The following PDE6A variants were observed in gnomAD, a reference collection of about 807,000 sequenced individuals.
PDE6A encodes the protein phosphodiesterase 6A, also known as rod cGMP-specific 3',5'-cyclic phosphodiesterase subunit alpha.
Under a neutral mutation model 106.3 loss-of-function variants are expected in PDE6A, and 84 were observed. That is an observed-to-expected ratio of 0.79 (90% confidence interval 0.66 to 0.95). The LOEUF (loss-of-function observed/expected upper bound fraction) is 0.95. Ranked by LOEUF, PDE6A falls within the 40% of genes least tolerant of loss-of-function variation. The pLI is 0.00. For missense variants in PDE6A, 1,052 were observed against 1,084.9 expected (o/e 0.97, Z 0.43); for synonymous variants, 394 against 386.6 (o/e 1.02, Z -0.23).
chr5:149,923,980 G>A (rs1319211702), intron 4 of PDE6A, among the ~76,000 whole-genome samples: 1 of 152,148 alleles, frequency 6.6e-6, no homozygotes, highest in Non-Finnish European at 1.5e-5. Context: ...CAGAGTCCAT[G>A]TTTTTGCCCT....
rs1754418788 is a variant in PDE6A at position 149,944,664 on chromosome 5, C to A, written c.10G>T (p.Val4Leu). ...AACTTCTCCACCTCCTCTGCTGTCACCTCGCCCATGGCTGGGAATCCCACT... is the reference window on the plus strand; with the variant it reads ...AACTTCTCCACCTCCTCTGCTGTCAACTCGCCCATGGCTGGGAATCCCACT... MGE[V>L]TAEEVEKFLD... The change falls in exon 1 of 22, where the codon GTG becomes TTG. Residue 4 changes from valine to leucine, a missense_variant. Physicochemically the swap from Val to Leu is conservative, Grantham distance 32. Around this residue, in one of 3 missense-constraint regions of PDE6A, gnomAD observed 913 missense variants for 915.2 expected, o/e 1.00. Coordinates refer to ENST00000255266, the MANE Select transcript of PDE6A (RefSeq NM_000440.3). The A allele has an allele frequency of 6.2e-7, 1 of 1,607,818 alleles. No homozygotes were observed.
intron 4 of PDE6A, among the ~76,000 whole-genome samples, chr5:149,927,878 A>G (rs1458862884): frequency 6.7e-6 from 1 of 149,152 alleles, no homozygotes; most frequent in African/African-American, 2.5e-5. Flanking sequence ...TAAGACACAA[A>G]CACACACATT....
chr5:149,939,509 A>G (rs952953006), intron 1 of PDE6A, among the ~76,000 whole-genome samples: 9 of 152,204 alleles, frequency 5.9e-5, no homozygotes, highest in African/African-American at 2.2e-4. Context: ...CACTTAGAAT[A>G]GATCCTTAAC....
rs770246880 is a variant in PDE6A, at chr5:149,886,277, A to G, written c.1826T>C (p.Leu609Pro). ...HDIDHRGTNNLYQMKSQNPLA... is the reference protein window; with the variant it reads ...HDIDHRGTNNPYQMKSQNPLA... The stretch of plus-strand genomic sequence containing the variant: ...GAGGCTGACTCACTTCATCTGGTAG[A>G]GGTTATTGGTGCCTCTGTGGTCAAT... The change falls in exon 14 of 22, where the codon CTC (leucine) becomes CCC (proline). Residue 609 changes from leucine (L) to proline (P), a missense_variant. This residue lies in a region of PDE6A where 913 missense variants were observed against 915.2 expected (regional missense o/e 1.00). Coordinates refer to ENST00000255266, the MANE Select transcript of PDE6A (RefSeq NM_000440.3). 1.1e-5 allele frequency: 18 copies of G among 1,611,986 alleles called. No individual in the cohort carries two copies. In the South Asian group the frequency reaches 1.9e-4, roughly 17 times the overall value.
chr5:149,894,713 C>A (rs1341523984), intron 13 of PDE6A, among the ~76,000 whole-genome samples: 5 of 145,206 alleles, frequency 3.4e-5, no homozygotes, highest in Non-Finnish European at 7.4e-5. Context: ...CTCACTGCAA[C>A]CTCTGCCTCC....
At chr5:149,893,239 T>C (rs1311863093) in intron 13 of PDE6A, among the ~76,000 whole-genome samples, 1 of 152,174 alleles carries the variant, frequency 6.6e-6, no homozygotes, top group Non-Finnish European at 1.5e-5. Flanking sequence ...TACCAAGTTC[T>C]TCTCTACCGC....
At chr5:149,864,879 G>T (rs1300471285) in intron 20 of PDE6A, among the ~76,000 whole-genome samples, 1 of 152,154 alleles carries the variant, frequency 6.6e-6, no homozygotes, top group East Asian at 1.9e-4. Flanking sequence ...CCACAGTGTG[G>T]TTTTGATAAC....
chr5:149,903,743 G>C (rs1030992490), intron 7 of PDE6A, 48 bp from the exon 8 acceptor site: 1 of 1,455,086 alleles, frequency 6.9e-7, no homozygotes, highest in Non-Finnish European at 9.7e-7. Context: ...GGCCTGAGAG[G>C]GTGCCCAGTG....
At chr5:149,898,246 T>A in intron 10 of PDE6A, 117 bp downstream of exon 10, 2 of 856,416 alleles carry the variant, frequency 2.3e-6, no homozygotes, top group Non-Finnish European at 3.9e-6. Flanking sequence ...AACACAACAG[T>A]GCACAAACCC....
At chr5:149,909,960 A>T (rs549689115) in intron 6 of PDE6A, among the ~76,000 whole-genome samples, 4 of 152,306 alleles carry the variant, frequency 2.6e-5, no homozygotes, top group African/African-American at 9.6e-5. Context: ...TAATTGGATT[A>T]TTCAAATATT....
Position 149,934,705 on chromosome 5 carries a change from C to A in PDE6A, c.488G>T (p.Cys163Phe), listed in dbSNP as rs1248213325. 6.2e-7 allele frequency: 1 copy of A among 1,613,874 alleles called. No homozygotes were observed. The highest frequency in any genetic ancestry group is 8.5e-7 in the Non-Finnish European group (1 of 1,180,030). Residue 163 changes from cysteine to phenylalanine, a missense_variant, in exon 2 of 22, where the codon TGT (cysteine) becomes TTT (phenylalanine). This residue lies in a region of PDE6A where 913 missense variants were observed against 915.2 expected (regional missense o/e 1.00). Coordinates refer to ENST00000255266, the MANE Select transcript of PDE6A (RefSeq NM_000440.3). ...VPNTEEDEHFCDFVDILTEYK... is the reference protein window; with the variant it reads ...VPNTEEDEHFFDFVDILTEYK... Reference sequence around the variant, plus strand: ...CTCTGTGAGGATGTCCACAAAGTCACAGAAATGCTCATCCTAAAGGAAGGC... The same window carrying A: ...CTCTGTGAGGATGTCCACAAAGTCAAAGAAATGCTCATCCTAAAGGAAGGC...
chr5:149,868,271 T>C (rs1245228430), intron 17 of PDE6A, 113 bp from the exon 18 acceptor site: 3 of 1,076,850 alleles, frequency 2.8e-6, no homozygotes, highest in Non-Finnish European at 4.2e-6. Context: ...CTTTGTCTCA[T>C]TGTGAGGAAA....
intron 13 of PDE6A, among the ~76,000 whole-genome samples, chr5:149,888,475 AAT>A (rs1302632733): frequency 8.8e-5 from 13 of 148,164 alleles, no homozygotes; most frequent in African/African-American, 2.9e-4. Flanking sequence ...ACACATAATT[AAT>A]ATGTTATTTA....
intron 4 of PDE6A, among the ~76,000 whole-genome samples, chr5:149,924,693 GT>G (rs1455659178): frequency 1.3e-5 from 2 of 152,152 alleles, no homozygotes; most frequent in Admixed American, 1.3e-4. Context: ...ATGAACATTT[GT>G]TTATGTGAAG....
chr5:149,899,976 T>C (rs907032583), intron 8 of PDE6A, among the ~76,000 whole-genome samples: 4 of 152,120 alleles, frequency 2.6e-5, no homozygotes, highest in Non-Finnish European at 4.4e-5. Flanking sequence ...TCATTTTCTC[T>C]CCTGGGGCCT....
intron 17 of PDE6A, among the ~76,000 whole-genome samples, chr5:149,880,905 C>CA (rs1222734024): frequency 6.6e-6 from 1 of 151,824 alleles, no homozygotes; most frequent in Non-Finnish European, 1.5e-5. Flanking sequence ...CCAAAAAATA[C>CA]AAAAAAATTT....
At chr5:149,903,162 A>AAG (rs1023859456) in intron 8 of PDE6A, among the ~76,000 whole-genome samples, 6 of 149,146 alleles carry the variant, frequency 4.0e-5, no homozygotes, top group African/African-American at 1.5e-4. Context: ...AAAAAAAAAA[A>AAG]AAAAAACAAA....
At chr5:149,874,834 A>G (rs1401706488) in intron 17 of PDE6A, among the ~76,000 whole-genome samples, 2 of 152,038 alleles carry the variant, frequency 1.3e-5, no homozygotes, top group Non-Finnish European at 2.9e-5. Flanking sequence ...GACCAAACAT[A>G]TATGTCTTCT....
intron 4 of PDE6A, among the ~76,000 whole-genome samples, chr5:149,928,174 C>T (rs1753916425): frequency 7.5e-6 from 1 of 133,192 alleles, no homozygotes; most frequent in Admixed American, 8.0e-5. Context: ...TTTCTATTAT[C>T]AAGCATTATG....
Sources: gnomAD v4.1 joint callset for allele counts (sites outside exome capture counted in the v4.1 genomes callset) on GRCh38, gnomAD v4.1.1 for gene constraint, gnomAD v4.1.1 regional missense constraint, MANE v1.5 for transcripts, NCBI Gene and HGNC (gene_info 2026-07-23, HGNC 2026-07-21) for gene names.